The following AK4 variants were observed in gnomAD, a reference collection of about 807,000 sequenced individuals.
AK4 encodes the protein adenylate kinase 4, also known as adenylate kinase 4, mitochondrial.
In AK4, 13 loss-of-function variants were observed where a neutral mutation model predicts 24.6. The observed-to-expected ratio is 0.53, with a 90% CI of 0.34 to 0.84. The LOEUF (loss-of-function observed/expected upper bound fraction) is 0.84. Ranked by LOEUF, AK4 falls within the 40% of genes least tolerant of loss-of-function variation. The pLI is 0.01. For missense variants in AK4, 192 were observed against 288.2 expected, an observed-to-expected ratio of 0.67 and a Z score of 2.42; for synonymous variants, 88 against 107.0, an observed-to-expected ratio of 0.82 and a Z score of 1.10.
chr1:65,159,640 C>A (rs2100990360), intron 1 of AK4, among the ~76,000 whole-genome samples: 1 of 151,354 alleles, frequency 6.6e-6, no homozygotes, highest in South Asian at 2.1e-4. Context: ...GCCACTGCAC[C>A]CCAGTCTGGG....
chr1:65,150,283 C>CTT (rs1649725331), intron 1 of AK4, among the ~76,000 whole-genome samples: 2 of 109,960 alleles, frequency 1.8e-5, no homozygotes, highest in African/African-American at 6.7e-5. Context: ...CTCTCTCTCT[C>CTT]TCTTTTTTTT....
At chr1:65,162,895 T>C (rs1445943077) in intron 1 of AK4, among the ~76,000 whole-genome samples, 1 of 152,214 alleles carries the variant, frequency 6.6e-6, no homozygotes, top group African/African-American at 2.4e-5. Flanking sequence ...TATGTTAATA[T>C]ATGTGACTTT....
intron 1 of AK4, among the ~76,000 whole-genome samples, chr1:65,177,984 A>C (rs1005468179): frequency 6.6e-5 from 10 of 152,124 alleles, no homozygotes; most frequent in Admixed American, 2.0e-4. Context: ...TTTGTTGAGA[A>C]GGGTTTTCTG....
chr1:65,223,636 A>G (rs1030594404), intron 3 of AK4, among the ~76,000 whole-genome samples: 1 of 151,894 alleles, frequency 6.6e-6, no homozygotes, highest in Non-Finnish European at 1.5e-5. Flanking sequence ...TTTGGGGGGG[A>G]ATAGAAAGCT....
intron 2 of AK4, among the ~76,000 whole-genome samples, chr1:65,191,153 C>T (rs1350786767): frequency 6.6e-6 from 1 of 152,154 alleles, no homozygotes; most frequent in Non-Finnish European, 1.5e-5. Context: ...CCACAGGGCA[C>T]ACAAAATACA....
rs1192356216 is a variant in AK4, at chr1:65,227,139, G to A, written c.*962G>A. ...GTAAGATCATATCTTATGTATAGAA[G>A]TAATAAGACCATTTGGAATTACTGG... is the stretch of plus-strand genomic sequence containing the variant. On this transcript the variant is annotated 3_prime_UTR_variant, in exon 5 of 5. Transcript: ENST00000327299. 2 of 139,026 alleles carry A rather than the reference G, an allele frequency of 1.4e-5. No individual in the cohort carries two copies. The highest frequency in any genetic ancestry group is 3.1e-5 in the Non-Finnish European group (2 of 65,122). 8.6% of individuals were successfully genotyped at this position (139,026 alleles called of 1,614,324 possible).
At chr1:65,154,643 T>A in intron 1 of AK4, 2 of 467,718 alleles carry the variant, frequency 4.3e-6, no homozygotes, top group Non-Finnish European at 8.7e-6. Context: ...TTTATTAAGT[T>A]GGACTAAATG....
intron 2 of AK4, among the ~76,000 whole-genome samples, chr1:65,207,725 T>G (rs1164607163): frequency 6.6e-6 from 1 of 152,144 alleles, no homozygotes; most frequent in Non-Finnish European, 1.5e-5. Context: ...CCCTGTTGTC[T>G]GCTGTGCCCA....
intron 1 of AK4, among the ~76,000 whole-genome samples, chr1:65,161,631 T>C (rs1185574677): frequency 6.6e-6 from 1 of 152,252 alleles, no homozygotes. Context: ...TTTAATTTGT[T>C]ATTCATTATC....
chr1:65,160,095 G>A (rs1474284963), intron 1 of AK4, among the ~76,000 whole-genome samples: 3 of 152,212 alleles, frequency 2.0e-5, no homozygotes, highest in South Asian at 2.1e-4. Flanking sequence ...CCATAGCTAG[G>A]ATTAAACTTC....
upstream of AK4, chr1:65,148,101 G>A (rs538412701): frequency 1.9e-4 from 71 of 381,868 alleles, no homozygotes; most frequent in African/African-American, 1.3e-3. Context: ...AGGCCGAGTC[G>A]GCAGGGCGGG....
chr1:65,185,490 G>C (rs6588127), intron 1 of AK4, among the ~76,000 whole-genome samples: 1 of 151,880 alleles, frequency 6.6e-6, no homozygotes, highest in East Asian at 1.9e-4. Context: ...GTATACCAAA[G>C]GGCCCCACAT....
At chr1:65,214,088 C>A (rs1652050532) in intron 2 of AK4, among the ~76,000 whole-genome samples, 1 of 151,884 alleles carries the variant, frequency 6.6e-6, no homozygotes, top group South Asian at 2.1e-4. Context: ...CTAATGTGCC[C>A]TCATTTTTGT....
intron 2 of AK4, among the ~76,000 whole-genome samples, chr1:65,203,594 A>G (rs1359234749): frequency 6.6e-6 from 1 of 152,158 alleles, no homozygotes; most frequent in African/African-American, 2.4e-5. Context: ...ACTTGAGATC[A>G]GGAGTTCAAG....
In AK4 at chr1:65,218,824, G is replaced by C; in HGVS notation, c.336G>C (p.Leu112Phe). 17 of 1,606,224 alleles carry C rather than the reference G, an allele frequency of 1.1e-5. No homozygotes were observed. Among genetic ancestry groups the C allele is most frequent in the Non-Finnish European group, 1.4e-5 (17 of 1,176,610 alleles). The change falls in exon 3 of 5, where the codon TTG (leucine) becomes TTC (phenylalanine). Residue 112 changes from leucine (L) to phenylalanine (F), a missense_variant. Transcript: ENST00000327299. The part of the protein sequence containing the change: ...KICEVDLVIS[L>F]NIPFETLKDR... ...GTGAAGTGGATCTAGTGATCAGTTT[G>C]AATATTCCATTTGAAACACTTAAAG...
chr1:65,161,068 TTTTG>T (rs1362043722), intron 1 of AK4, among the ~76,000 whole-genome samples: 2 of 152,008 alleles, frequency 1.3e-5, no homozygotes, highest in Non-Finnish European at 2.9e-5. Flanking sequence ...GGGATGTACT[TTTTG>T]TTGTTGTTGT....
chr1:65,181,041 A>G (rs1024135496), intron 1 of AK4, among the ~76,000 whole-genome samples: 6 of 151,438 alleles, frequency 4.0e-5, no homozygotes, highest in African/African-American at 1.2e-4. Context: ...TGACTTAGCC[A>G]GGCATCTTGG....
At chr1:65,171,364 G>T (rs1650518127) in intron 1 of AK4, among the ~76,000 whole-genome samples, 2 of 128,524 alleles carry the variant, frequency 1.6e-5, no homozygotes, top group Admixed American at 9.3e-5. Context: ...TGCAGTGAGT[G>T]CAGTGGCACA....
In AK4 at chr1:65,226,522, A is replaced by G. The variant is rs1236185189; in HGVS notation, c.*345A>G. On this transcript the variant is annotated 3_prime_UTR_variant, in exon 5 of 5. Coordinates refer to ENST00000327299, the MANE Select transcript of AK4 (RefSeq NM_013410.4). ...GTAATATTTTTGACATGTGATGGTG[A>G]TAGTCTCTGGTTCTCCCCATCCCCA... The G allele has an allele frequency of 1.6e-5, 3 of 192,454 alleles. No individual in the cohort carries two copies. The highest frequency in any genetic ancestry group is 2.7e-4 in the East Asian group (2 of 7,546). The allele number at this position is 192,454 out of a possible 1,614,324, so 11.9% of individuals were successfully genotyped here.
Sources: allele counts gnomAD v4.1 joint callset (sites outside exome capture counted in the v4.1 genomes callset), GRCh38; gene constraint gnomAD v4.1.1; transcripts MANE v1.5; gene names NCBI Gene and HGNC (gene_info 2026-07-23, HGNC 2026-07-21).